Variants in PCDH15 observed in about 807,000 individuals in gnomAD.
PCDH15 encodes protocadherin related 15.
A neutral mutation model predicts 178.5 loss-of-function variants in PCDH15; 129 were observed. The observed-to-expected ratio is 0.72, with a 90% CI of 0.63 to 0.84. The LOEUF (loss-of-function observed/expected upper bound fraction) is 0.84, where lower values mean the gene tolerates loss of function less well. Ranked by LOEUF, PCDH15 falls within the 40% of genes least tolerant of loss-of-function variation. The pLI is 0.00. For missense variants in PCDH15, 2,230 were observed against 2,099.9 expected (o/e 1.06, Z -1.21); for synonymous variants, 800 against 732.0 (o/e 1.09, Z -1.50).
chr10:54,406,681 T>C (rs7092460), intron 3 of PCDH15, among the ~76,000 whole-genome samples: 7,962 of 152,152 alleles, frequency 0.052, 700 homozygotes, highest in African/African-American at 0.18. Flanking sequence ...TTGTAACACA[T>C]GATGCTAGGA....
intron 2 of PCDH15, among the ~76,000 whole-genome samples, chr10:55,482,276 T>C (rs1376509011): frequency 6.6e-6 from 1 of 151,888 alleles, no homozygotes; most frequent in Non-Finnish European, 1.5e-5. Flanking sequence ...TGGTTCTTTA[T>C]CCAGATTGCC....
chr10:55,083,687 A>G lies in PCDH15; in HGVS notation c.-80+82889T>C, dbSNP rs552583765. 2.3e-3 allele frequency among the ~76,000 whole-genome samples: 352 copies of G among 152,020 alleles called. 1 individual carries two copies. Among genetic ancestry groups the G allele is most frequent in the Non-Finnish European group, 4.1e-3 (275 of 67,806 alleles). ...AAACCTAAAGACTTCATACAATAAA[A>G]CCAATGAGAACTGATAAACACATTC... On this transcript the variant is annotated intron_variant, in intron 2 of 5. Transcript: ENST00000458638.
chr10:55,595,493 A>G (rs1842920072), intron 2 of PCDH15, among the ~76,000 whole-genome samples: 1 of 152,126 alleles, frequency 6.6e-6, no homozygotes, highest in Non-Finnish European at 1.5e-5. Flanking sequence ...CACATGTCAG[A>G]CTAATTTATG....
intron 8 of PCDH15, 50 bp downstream of exon 8, chr10:54,317,221 T>A: frequency 6.4e-7 from 1 of 1,565,962 alleles, no homozygotes; most frequent in African/African-American, 1.4e-5. Context: ...CATGATCCCA[T>A]TGGGTTTTAA....
intron 28 of PCDH15, among the ~76,000 whole-genome samples, chr10:53,856,217 A>C (rs2078734751): frequency 6.6e-6 from 1 of 151,682 alleles, no homozygotes; most frequent in South Asian, 2.1e-4. Flanking sequence ...TTCACCATTA[A>C]AGAATTATTC....
chr10:54,899,120 G>A (rs947976327), intron 2 of PCDH15, among the ~76,000 whole-genome samples: 2 of 152,142 alleles, frequency 1.3e-5, no homozygotes, highest in African/African-American at 4.8e-5. Context: ...TCAGCTGTAT[G>A]AAGTTCCTGT....
rs148537862 is a variant in PCDH15, at chr10:55,579,832, T to G, written c.-156+47793A>C. 6.4e-4 allele frequency among the ~76,000 whole-genome samples: 98 copies of G among 152,132 alleles called. 1 individual carries two copies. The highest frequency in any genetic ancestry group is 2.2e-3 in the African/African-American group (91 of 41,512). ...TTGGTTTTTTTGTTTGTTATGTTTT[T>G]TATTTGTTTTTTGTTGTTTTTGTTT... On this transcript the variant is annotated intron_variant, in intron 2 of 5. Coordinates refer to the PCDH15 transcript ENST00000613346.
At chr10:55,580,166 T>G (rs1285797806) in intron 2 of PCDH15, among the ~76,000 whole-genome samples, 1 of 151,634 alleles carries the variant, frequency 6.6e-6, no homozygotes, top group Non-Finnish European at 1.5e-5. Context: ...CACATATTGT[T>G]GTTTTATATG....
chr10:54,985,351 T>C (rs1457910846), intron 2 of PCDH15, among the ~76,000 whole-genome samples: 4 of 152,200 alleles, frequency 2.6e-5, no homozygotes, highest in Non-Finnish European at 5.9e-5. Context: ...TACTCAGATG[T>C]ATGCATATAT....
At chr10:54,952,645 T>G (rs2131875997) in intron 2 of PCDH15, among the ~76,000 whole-genome samples, 1 of 151,892 alleles carries the variant, frequency 6.6e-6, no homozygotes, top group South Asian at 2.1e-4. Context: ...ATCTTTCCGT[T>G]TATTTAGATA....
At chr10:54,307,046 A>G (rs1383916193) in intron 8 of PCDH15, among the ~76,000 whole-genome samples, 123 of 9,524 alleles carry the variant, frequency 0.013, 4 homozygotes, top group African/African-American at 0.028. Flanking sequence ...GTGTGTATAT[A>G]TATATATATA....
chr10:53,816,085 C>CT (rs536891694), intron 35 of PCDH15, among the ~76,000 whole-genome samples, 154 bp downstream of exon 35: 61 of 151,928 alleles, frequency 4.0e-4, no homozygotes, highest in African/African-American at 9.9e-4. Context: ...TTCTTGGTTT[C>CT]TTTTTTTTGA....
At chr10:54,937,241 G>A (rs917697431) in intron 2 of PCDH15, among the ~76,000 whole-genome samples, 2 of 151,806 alleles carry the variant, frequency 1.3e-5, no homozygotes, top group African/African-American at 2.4e-5. Context: ...ATTGGAAAAT[G>A]TAAGTCCTTT....
chr10:54,892,813 G>GC (rs1015578373), intron 3 of PCDH15, among the ~76,000 whole-genome samples: 5 of 149,064 alleles, frequency 3.4e-5, no homozygotes, highest in Non-Finnish European at 7.4e-5. Context: ...TGCAGCCTCT[G>GC]CCCCCCAGGT....
At chr10:55,121,126 G>A (rs1181977265) in intron 2 of PCDH15, among the ~76,000 whole-genome samples, 2 of 152,036 alleles carry the variant, frequency 1.3e-5, no homozygotes, top group African/African-American at 4.8e-5. Flanking sequence ...ATGGGGATGC[G>A]GTGCTTTAGA....
At chr10:55,374,118 AT>A (rs1221000906) in intron 2 of PCDH15, among the ~76,000 whole-genome samples, 4 of 144,524 alleles carry the variant, frequency 2.8e-5, no homozygotes, top group African/African-American at 1.0e-4. Flanking sequence ...AATAATAATA[AT>A]AATAAAAGAA....
At chr10:54,503,732 T>G (rs1329296741) in intron 3 of PCDH15, among the ~76,000 whole-genome samples, 1 of 152,100 alleles carries the variant, frequency 6.6e-6, no homozygotes, top group Non-Finnish European at 1.5e-5. Context: ...CTTTTATTTA[T>G]AATTAGAGAC....
chr10:54,293,922 G>T (rs974466643), intron 8 of PCDH15, among the ~76,000 whole-genome samples: 8 of 152,114 alleles, frequency 5.3e-5, no homozygotes, highest in African/African-American at 1.7e-4. Context: ...ATTTCTTAAG[G>T]ATCTAGGACT....
rs564079834 is a variant in PCDH15, at chr10:53,808,549, T to C, written c.4672-1419A>G. Reference sequence around the variant, plus strand: ...GGATTTGGACAACATATATATTCACTTTTCTGGCATGCTTCTGATCATAAG... The same window carrying C: ...GGATTTGGACAACATATATATTCACCTTTCTGGCATGCTTCTGATCATAAG... On this transcript the variant is annotated intron_variant, in intron 37 of 37. Transcript: ENST00000644397. The C allele has an allele frequency of 7.8e-4, 1,130 of 1,440,550 alleles. 2 individuals carry two copies. Among genetic ancestry groups the C allele is most frequent in the Non-Finnish European group, 1.0e-3 (1,104 of 1,101,940 alleles). 89.2% of individuals were successfully genotyped at this position (1,440,550 alleles called of 1,614,324 possible). A position where few individuals can be genotyped will look rare whatever the true frequency, so the allele number is the denominator to read the frequency against.
Sources: allele counts gnomAD v4.1 joint callset (sites outside exome capture counted in the v4.1 genomes callset), GRCh38; gene constraint gnomAD v4.1.1; transcripts MANE v1.5; gene names NCBI Gene and HGNC (gene_info 2026-07-23, HGNC 2026-07-21).